The following KCNQ5 variants were observed in gnomAD, a reference collection of about 807,000 sequenced individuals.
KCNQ5 encodes the protein potassium voltage-gated channel subfamily Q member 5.
Under a neutral mutation model 98.2 loss-of-function variants are expected in KCNQ5, and 30 were observed. The ratio of observed to expected loss-of-function variants is 0.31; its 90% CI spans 0.23 to 0.41. The LOEUF is 0.41. Ranked by LOEUF, KCNQ5 falls within the 10% of genes least tolerant of loss-of-function variation. KCNQ5 has a pLI of 1.00. For missense variants in KCNQ5, 835 were observed against 1,182.5 expected, an observed-to-expected ratio of 0.71 and a Z score of 4.31; for synonymous variants, 458 against 449.4, an observed-to-expected ratio of 1.02 and a Z score of -0.24.
intron 1 of KCNQ5, among the ~76,000 whole-genome samples, chr6:72,796,051 A>T (rs1774320425): frequency 6.6e-6 from 1 of 152,146 alleles, no homozygotes; most frequent in African/African-American, 2.4e-5. Flanking sequence ...ACAGTCACAC[A>T]CTCAAATCCA....
At chr6:72,762,417 A>C (rs964847546) in intron 1 of KCNQ5, among the ~76,000 whole-genome samples, 17 of 118,492 alleles carry the variant, frequency 1.4e-4, no homozygotes, top group African/African-American at 1.2e-3. Context: ...TAGAATACTT[A>C]AAAAAAAAAA....
rs1282973047 is a variant in KCNQ5, at chr6:73,197,398, T to G, written c.*1984T>G. The G allele has an allele frequency of 6.6e-6, 1 of 152,194 alleles. No individual in the cohort carries two copies. Among genetic ancestry groups the G allele is most frequent in the East Asian group, 1.9e-4 (1 of 5,202 alleles). 9.4% of individuals were successfully genotyped at this position (152,194 alleles called of 1,614,324 possible). A position where few individuals can be genotyped will look rare whatever the true frequency, so the allele number is the denominator to read the frequency against. On this transcript the variant is annotated 3_prime_UTR_variant, in exon 14 of 14. Coordinates refer to ENST00000370398, the MANE Select transcript of KCNQ5 (RefSeq NM_019842.4). Reference sequence around the variant, plus strand: ...AAGACAATTAGAATCATTTAGAATCTTTTTGGCTGCTGGAAATGTATAGAA... The same window carrying G: ...AAGACAATTAGAATCATTTAGAATCGTTTTGGCTGCTGGAAATGTATAGAA...
intron 2 of KCNQ5, among the ~76,000 whole-genome samples, chr6:73,029,905 A>T (rs1297463949): frequency 4.0e-5 from 1 of 24,840 alleles, no homozygotes; most frequent in African/African-American, 9.6e-5. Context: ...ACTCCGTCTC[A>T]AAAAAAAAAA....
chr6:72,894,835 C>A (rs964947559), intron 1 of KCNQ5, among the ~76,000 whole-genome samples: 1 of 151,926 alleles, frequency 6.6e-6, no homozygotes, highest in Non-Finnish European at 1.5e-5. Context: ...TATGATAACT[C>A]CCATATTTTA....
At chr6:72,760,723 A>G (rs967798696) in intron 1 of KCNQ5, among the ~76,000 whole-genome samples, 7 of 152,102 alleles carry the variant, frequency 4.6e-5, no homozygotes, top group African/African-American at 4.8e-5. Context: ...CCCATTTTCT[A>G]TAATGTAGGA....
intron 3 of KCNQ5, among the ~76,000 whole-genome samples, chr6:73,060,003 G>A (rs1392730658): frequency 6.6e-6 from 1 of 151,988 alleles, no homozygotes; most frequent in Non-Finnish European, 1.5e-5. Context: ...AATGACATTA[G>A]TTAGAGCCTT....
At chr6:72,839,733 A>C (rs1776700797) in intron 1 of KCNQ5, among the ~76,000 whole-genome samples, 3 of 152,214 alleles carry the variant, frequency 2.0e-5, no homozygotes, top group African/African-American at 7.2e-5. Flanking sequence ...TGATATATGT[A>C]TATAATATGG....
At chr6:73,131,858 C>T (rs922102518) in intron 9 of KCNQ5, among the ~76,000 whole-genome samples, 1 of 152,184 alleles carries the variant, frequency 6.6e-6, no homozygotes, top group Non-Finnish European at 1.5e-5. Context: ...CACCAAACTG[C>T]CCCGCCTGTT....
intron 1 of KCNQ5, among the ~76,000 whole-genome samples, chr6:72,646,157 A>G (rs1277135547): frequency 6.6e-6 from 1 of 152,148 alleles, no homozygotes; most frequent in Non-Finnish European, 1.5e-5. Context: ...TCTCTGTATA[A>G]TTGGGTTTCT....
At chr6:72,903,933 A>G (rs1376282190) in intron 1 of KCNQ5, among the ~76,000 whole-genome samples, 1 of 152,112 alleles carries the variant, frequency 6.6e-6, no homozygotes, top group African/African-American at 2.4e-5. Flanking sequence ...TGGAGTATTG[A>G]AGTCTCCCAC....
intron 1 of KCNQ5, among the ~76,000 whole-genome samples, chr6:72,675,881 G>A (rs62411987): frequency 0.015 from 2,291 of 152,280 alleles, 21 homozygotes; most frequent in Non-Finnish European, 0.024. Context: ...AATTGAGGGA[G>A]TAAATCACTG....
At chr6:73,100,086 G>C (rs9360636) in intron 5 of KCNQ5, among the ~76,000 whole-genome samples, 111,030 of 152,148 alleles carry the variant, frequency 0.73, 45,652 homozygotes, top group South Asian at 0.94. Flanking sequence ...ATATGCTCCT[G>C]AATGACCAAT....
At chr6:72,740,636 G>A (rs182407507) in intron 1 of KCNQ5, among the ~76,000 whole-genome samples, 235 of 152,184 alleles carry the variant, frequency 1.5e-3, no homozygotes, top group African/African-American at 5.4e-3. Flanking sequence ...CAGCCCATAA[G>A]GGAGATGAAA....
intron 1 of KCNQ5, among the ~76,000 whole-genome samples, chr6:72,820,852 A>G (rs1258928061): frequency 1.3e-5 from 2 of 152,218 alleles, no homozygotes; most frequent in East Asian, 1.9e-4. Context: ...CAGAAGTATT[A>G]TAAGAGTTGT....
intron 11 of KCNQ5, among the ~76,000 whole-genome samples, chr6:73,188,982 C>CAAAAAAAA (rs67431655): frequency 8.5e-5 from 7 of 82,412 alleles, no homozygotes; most frequent in East Asian, 3.8e-4. Flanking sequence ...GACTCTGTCT[C>CAAAAAAAA]AAAAAAAAAA....
chr6:72,978,197 T>C (rs1001358063), intron 1 of KCNQ5, among the ~76,000 whole-genome samples: 21 of 152,196 alleles, frequency 1.4e-4, no homozygotes, highest in African/African-American at 4.8e-4. Flanking sequence ...GAAAAGGCTG[T>C]TTTTGTTTCC....
intron 1 of KCNQ5, among the ~76,000 whole-genome samples, chr6:72,918,420 A>C (rs961591125): frequency 8.5e-5 from 13 of 152,134 alleles, no homozygotes; most frequent in Admixed American, 3.3e-4. Flanking sequence ...TTAATTGTTC[A>C]TGTGCTCAAA....
At chr6:73,018,774 T>G (rs1191337245) in intron 2 of KCNQ5, among the ~76,000 whole-genome samples, 1 of 152,156 alleles carries the variant, frequency 6.6e-6, no homozygotes, top group East Asian at 1.9e-4. Context: ...CATCCACAAT[T>G]TATGAAATTG....
rs2098916101 is a variant in KCNQ5 at position 72,622,836 on chromosome 6, CG to C, written c.398+253del. On this transcript the variant is annotated intron_variant, in intron 1 of 13. Transcript: ENST00000370398. This position sits in a 1 kb window ranked among gnomAD's most constrained non-coding sequence, Gnocchi z 6.0. ...GAACTGCCCGGTAGCTTCAGGCTCC[CG>C]GGGCGAGAGCCAGGCAGACGCGGGA... Among the ~76,000 whole-genome samples, 1 of 152,138 alleles carries C rather than the reference CG, an allele frequency of 6.6e-6. No individual in the cohort carries two copies. The highest frequency in any genetic ancestry group is 6.5e-5 in the Admixed American group (1 of 15,282).
Sources: allele counts gnomAD v4.1 joint callset (sites outside exome capture counted in the v4.1 genomes callset), GRCh38; gene constraint gnomAD v4.1.1; non-coding constraint Gnocchi (gnomAD v3.1); transcripts MANE v1.5; gene names NCBI Gene and HGNC (gene_info 2026-07-23, HGNC 2026-07-21).